The following TMPRSS6 variants were observed in gnomAD, a reference collection of about 807,000 sequenced individuals.
The protein encoded by TMPRSS6 is transmembrane serine protease 6.
In TMPRSS6, 67 loss-of-function variants were observed where a neutral mutation model predicts 101.5. The observed-to-expected ratio is 0.66, with a 90% CI of 0.54 to 0.81. TMPRSS6 has a LOEUF of 0.81. Ranked by LOEUF, TMPRSS6 falls within the 30% of genes least tolerant of loss-of-function variation. TMPRSS6 has a pLI of 0.00. For missense variants in TMPRSS6, 1,034 were observed against 1,088.7 expected, an observed-to-expected ratio of 0.95 and a Z score of 0.71; for synonymous variants, 453 against 464.9, an observed-to-expected ratio of 0.97 and a Z score of 0.33.
chr22:37,086,571 G>A (rs927690382), intron 7 of TMPRSS6, 152 bp from the exon 8 acceptor site: 2 of 824,648 alleles, frequency 2.4e-6, no homozygotes, highest in Non-Finnish European at 3.9e-6. Context: ...GTGTGTCTGT[G>A]GGGAGAATTC....
At chr22:37,082,930 C>T (rs971107262) in intron 10 of TMPRSS6, 4 of 465,068 alleles carry the variant, frequency 8.6e-6, no homozygotes, top group African/African-American at 8.1e-5. Flanking sequence ...TCTTCGTCAC[C>T]TTTTGTCTGG....
chr22:37,068,729 G>C (rs1926568321), intron 16 of TMPRSS6: 1 of 778,584 alleles, frequency 1.3e-6, no homozygotes, highest in South Asian at 1.3e-5. Context: ...ATCCAGCCTG[G>C]ATGTGGAAAG....
chr22:37,074,496 C>A, intron 12 of TMPRSS6, 114 bp downstream of exon 12: 3 of 1,015,016 alleles, frequency 3.0e-6, no homozygotes, highest in Non-Finnish European at 3.0e-6. Flanking sequence ...TTCCTGGGTG[C>A]TCATAATGGA....
rs112762064 is a variant in TMPRSS6, at chr22:37,075,853, G to A, written c.1197-573C>T. ...GGAAGCAGAGGTTGCGGTGAGCCGA[G>A]ATCGTGCCATTGCACTCCAGCCTGG... On this transcript the variant is annotated intron_variant, in intron 10 of 17. Coordinates refer to ENST00000676104, the MANE Select transcript of TMPRSS6 (RefSeq NM_001374504.1). Among the ~76,000 whole-genome samples, 156 of 152,018 alleles carry A rather than the reference G, an allele frequency of 1.0e-3. 1 individual carries two copies. Among genetic ancestry groups the A allele is most frequent in the Admixed American group, 2.4e-3 (36 of 15,262 alleles).
rs1204675484 is a variant in TMPRSS6 at position 37,097,707 on chromosome 22, C to CGG, written c.336+708_336+709insCC. ...GCAGGAGCGGGCCACCGTCTTGTAA[C>CGG]AGAGGGGCAGGAGCGGGCCACCGTC... On this transcript the variant is annotated intron_variant, in intron 3 of 17. Coordinates refer to ENST00000676104, the MANE Select transcript of TMPRSS6 (RefSeq NM_001374504.1). Among the ~76,000 whole-genome samples, 22 of 110,890 alleles carry CGG rather than the reference C, an allele frequency of 2.0e-4. 2 individuals carry two copies. In the South Asian group the frequency reaches 2.2e-3, roughly 11 times the overall value. 72.7% of individuals were successfully genotyped at this position (110,890 alleles called of 152,430 possible).
chr22:37,070,625 C>T lies in TMPRSS6; in HGVS notation c.1700G>A (p.Arg567His), dbSNP rs779352087. ...CDCGLQGPSS[R>H]IVGGAVSSEG... Reference sequence around the variant, plus strand: ...GGAGGACACAGCTCCACCAACAATGCGGCTGGAGGGGCCCTGGAGGCCACA... The same window carrying T: ...GGAGGACACAGCTCCACCAACAATGTGGCTGGAGGGGCCCTGGAGGCCACA... Residue 567 changes from arginine to histidine, a missense_variant, in exon 15 of 18, where the codon CGC becomes CAC. Transcript: ENST00000676104. The T allele has an allele frequency of 1.2e-5, 19 of 1,612,898 alleles. No homozygotes were observed. The highest frequency in any genetic ancestry group is 1.6e-4 in the Middle Eastern group (1 of 6,084).
At chr22:37,090,036 G>C (rs1007114484) in intron 6 of TMPRSS6, among the ~76,000 whole-genome samples, 4 of 152,246 alleles carry the variant, frequency 2.6e-5, no homozygotes, top group African/African-American at 9.6e-5. Flanking sequence ...CAGTGCCCAG[G>C]TAAAAATCCA....
At chr22:37,092,466 A>T (rs763454829) in intron 6 of TMPRSS6, among the ~76,000 whole-genome samples, 141 of 35,544 alleles carry the variant, frequency 4.0e-3, no homozygotes, top group Middle Eastern at 0.023. Context: ...CCCACCCCCG[A>T]GTAGCTAGGA....
At chr22:37,098,370 T>C (rs1279275816) in intron 3 of TMPRSS6, 46 bp downstream of exon 3, 5 of 1,612,612 alleles carry the variant, frequency 3.1e-6, no homozygotes, top group Non-Finnish European at 4.2e-6. Flanking sequence ...CCCCTCTCTT[T>C]TCACCCCCAT....
At chr22:37,104,512 C>T (rs913443307) in intron 1 of TMPRSS6, among the ~76,000 whole-genome samples, 1 of 152,194 alleles carries the variant, frequency 6.6e-6, no homozygotes, top group African/African-American at 2.4e-5. Flanking sequence ...TTTTGAGACC[C>T]TTTCAAGCAA....
In TMPRSS6 at chr22:37,089,603, G is replaced by A. The variant is rs1159048199; in HGVS notation, c.811C>T (p.Pro271Ser). The A allele has an allele frequency of 1.9e-6, 3 of 1,611,832 alleles. No homozygotes were observed. Among genetic ancestry groups the A allele is most frequent in the African/African-American group, 1.3e-5 (1 of 74,810 alleles). Reference sequence around the variant, plus strand: ...GAGGTGATGAGCCTCTTCTCCAGGGGCCCGGCCACGTCATACATGGCCAGT... The same window carrying A: ...GAGGTGATGAGCCTCTTCTCCAGGGACCCGGCCACGTCATACATGGCCAGT... Reference protein sequence around the residue: ...DRLAMYDVAGPLEKRLITSVY... With the variant: ...DRLAMYDVAGSLEKRLITSVY... The change falls in exon 7 of 18, where the codon CCC (proline) becomes TCC (serine). Residue 271 changes from proline to serine, a missense_variant. Transcript: ENST00000676104.
In TMPRSS6 at chr22:37,070,619, AC is replaced by A; in HGVS notation, c.1705del (p.Val569LeufsTer35). ...ACCCTCGGAGGACACAGCTCCACCA[AC>A]AATGCGGCTGGAGGGGCCCTGGAGG... Reference protein sequence around the residue: ...CGLQGPSSRIVGGAVSSEGEW... With the variant: ...CGLQGPSSRIXGGAVSSEGEW... On this transcript the variant is annotated frameshift_variant, in exon 15 of 18. Transcript: ENST00000676104. LOFTEE classifies it high-confidence loss of function. 2 of 1,612,858 alleles carry A rather than the reference AC, an allele frequency of 1.2e-6. No individual in the cohort carries two copies. The highest frequency in any genetic ancestry group is 1.7e-6 in the Non-Finnish European group (2 of 1,179,880).
chr22:37,076,110 TTC>T (rs1389291892), intron 10 of TMPRSS6, among the ~76,000 whole-genome samples: 1 of 151,732 alleles, frequency 6.6e-6, no homozygotes, highest in Non-Finnish European at 1.5e-5. Context: ...GAAAAATTAT[TTC>T]TGTTGATCTT....
chr22:37,079,624 G>A (rs913600986), intron 10 of TMPRSS6, among the ~76,000 whole-genome samples: 1 of 152,240 alleles, frequency 6.6e-6, no homozygotes, highest in Non-Finnish European at 1.5e-5. Flanking sequence ...CTGCAGAGCT[G>A]AATTGGCAGC....
chr22:37,088,363 A>T (rs1928953619), intron 7 of TMPRSS6, among the ~76,000 whole-genome samples: 1 of 152,130 alleles, frequency 6.6e-6, no homozygotes. Context: ...ACTGCGCTTG[A>T]TCTGAACACA....
intron 15 of TMPRSS6, among the ~76,000 whole-genome samples, chr22:37,070,236 G>A (rs1601517916): frequency 1.3e-5 from 2 of 152,296 alleles, no homozygotes; most frequent in Middle Eastern, 6.8e-3. Context: ...TGAATGAGAT[G>A]AATGAATGAA....
chr22:37,087,681 C>T (rs866742599), intron 7 of TMPRSS6, among the ~76,000 whole-genome samples: 5 of 152,010 alleles, frequency 3.3e-5, no homozygotes, highest in African/African-American at 1.2e-4. Flanking sequence ...ACCGGTGCCC[C>T]CCACCCTCCC....
rs1457068288 is a variant in TMPRSS6 at position 37,099,967 on chromosome 22, T to C, written c.203-1418A>G. On this transcript the variant is annotated intron_variant, in intron 2 of 17. Coordinates refer to ENST00000676104, the MANE Select transcript of TMPRSS6 (RefSeq NM_001374504.1). ...TGGTTTTTTTGTTTTCTTTTTGTTT[T>C]TGTTTTGTTTTGTTTTTGAGACAGA... 3.3e-5 allele frequency among the ~76,000 whole-genome samples: 5 copies of C among 152,200 alleles called. No individual in the cohort carries two copies. The East Asian group carries it at 9.7e-4, about 29-fold the overall frequency.
intron 12 of TMPRSS6, 90 bp downstream of exon 12, chr22:37,074,520 A>T (rs137863658): frequency 9.9e-6 from 12 of 1,214,068 alleles, no homozygotes; most frequent in Middle Eastern, 1.9e-4. Flanking sequence ...TGCATGTAGA[A>T]GTGGGGTCTC....
Sources: allele counts gnomAD v4.1 joint callset (sites outside exome capture counted in the v4.1 genomes callset), GRCh38; gene constraint gnomAD v4.1.1; transcripts MANE v1.5; gene names NCBI Gene and HGNC (gene_info 2026-07-23, HGNC 2026-07-21).